GRIN2B: variants seen among roughly 807,000 people sequenced by gnomAD.
GRIN2B encodes glutamate ionotropic receptor NMDA type subunit 2B.
GRIN2B carries 5 observed loss-of-function variants against 114.5 expected under a neutral mutation model. That is an observed-to-expected ratio of 0.04 (90% CI 0.02 to 0.09). The LOEUF is 0.09. GRIN2B is among the 10% of genes least tolerant of loss of function. GRIN2B has a pLI of 1.00. For synonymous variants in GRIN2B, 787 were observed against 745.1 expected (o/e 1.06, Z -0.92); for missense variants, 1,108 against 1,943.5 (o/e 0.57, Z 8.08).
At position 13,562,920 on chromosome 12, in the gene GRIN2B, C is replaced by A. The variant is rs754377600; in HGVS notation, c.4318G>T (p.Ala1440Ser). 4.3e-6 allele frequency: 7 copies of A among 1,614,128 alleles called. No homozygotes were observed. The East Asian group carries it at 1.6e-4, about 36-fold the overall frequency. The change falls in exon 14 of 14, where the codon GCC becomes TCC. Residue 1440 changes from alanine (A) to serine (S), a missense_variant. Ala to Ser is a moderately conservative substitution (Grantham distance 99, BLOSUM62 1). Transcript: ENST00000609686. Reference sequence around the variant, plus strand: ...ATACAGATGTCCTTCTGGAAACGGGCTGGCACGGCCCCATGAAGGGCCGAG... The same window carrying A: ...ATACAGATGTCCTTCTGGAAACGGGATGGCACGGCCCCATGAAGGGCCGAG... ...VVSALHGAVP[A>S]RFQKDICIGN...
In GRIN2B at chr12:13,562,045, A is replaced by G. The variant is rs1010056222; in HGVS notation, c.*738T>C. ...CACATGGGTGCAAGTGTGCATGAAC[A>G]CACATGCACGCACAATCCACCTGCT... On this transcript the variant is annotated 3_prime_UTR_variant, in exon 14 of 14. Coordinates refer to ENST00000609686, the MANE Select transcript of GRIN2B (RefSeq NM_000834.5). 1 of 152,662 alleles carries G rather than the reference A, an allele frequency of 6.6e-6. No individual in the cohort carries two copies. Among genetic ancestry groups the G allele is most frequent in the African/African-American group, 2.4e-5 (1 of 41,466 alleles). The allele number at this position is 152,662 out of a possible 1,614,324, so 9.5% of individuals were successfully genotyped here.
At chr12:13,858,579 T>C (rs982433250) in intron 3 of GRIN2B, among the ~76,000 whole-genome samples, 1 of 152,194 alleles carries the variant, frequency 6.6e-6, no homozygotes, top group Non-Finnish European at 1.5e-5. Context: ...TGGCTGGCAA[T>C]ATTTAGTAAA....
At chr12:13,930,281 T>C (rs1867003353) in intron 2 of GRIN2B, among the ~76,000 whole-genome samples, 1 of 152,216 alleles carries the variant, frequency 6.6e-6, no homozygotes, top group African/African-American at 2.4e-5. Context: ...ATTATTAGAC[T>C]GGTGATTCAG....
chr12:13,595,735 T>C (rs566027624), intron 10 of GRIN2B, among the ~76,000 whole-genome samples: 1 of 152,266 alleles, frequency 6.6e-6, no homozygotes, highest in Non-Finnish European at 1.5e-5. Context: ...TGCATTGTTC[T>C]TCAGCACTTG....
intron 3 of GRIN2B, among the ~76,000 whole-genome samples, chr12:13,802,346 C>T (rs1864530810): frequency 6.6e-6 from 1 of 151,974 alleles, no homozygotes; most frequent in South Asian, 2.1e-4. Flanking sequence ...AGTGGATATT[C>T]TCATACACTA....
At chr12:13,909,814 G>A (rs992520710) in intron 2 of GRIN2B, among the ~76,000 whole-genome samples, 2 of 152,162 alleles carry the variant, frequency 1.3e-5, no homozygotes, top group African/African-American at 2.4e-5. Flanking sequence ...TGGCTGTCCC[G>A]ACTTATGCAA....
At chr12:13,602,011 A>T (rs1015584378) in intron 10 of GRIN2B, among the ~76,000 whole-genome samples, 1 of 152,134 alleles carries the variant, frequency 6.6e-6, no homozygotes, top group Non-Finnish European at 1.5e-5. Flanking sequence ...AGCCCCAGGG[A>T]TCTGTTCTGG....
chr12:13,726,540 A>G (rs1253755715), intron 4 of GRIN2B, among the ~76,000 whole-genome samples: 2 of 148,450 alleles, frequency 1.3e-5, no homozygotes, highest in Non-Finnish European at 3.0e-5. Context: ...GTCAAAAAAA[A>G]GAAAGAAATA....
chr12:13,834,543 A>C (rs868135916), intron 3 of GRIN2B, among the ~76,000 whole-genome samples: 3 of 152,112 alleles, frequency 2.0e-5, no homozygotes, highest in Admixed American at 6.6e-5. Flanking sequence ...CTGGGTTCCC[A>C]TCATGTCACT....
At chr12:13,794,973 C>A (rs142817568) in intron 3 of GRIN2B, among the ~76,000 whole-genome samples, 23 of 152,340 alleles carry the variant, frequency 1.5e-4, no homozygotes, top group African/African-American at 2.2e-4. Flanking sequence ...TGCCTAGAGC[C>A]AGCTCCTGGG....
chr12:13,815,485 G>T (rs931383071), intron 3 of GRIN2B, among the ~76,000 whole-genome samples: 3 of 152,166 alleles, frequency 2.0e-5, no homozygotes, highest in African/African-American at 7.2e-5. Context: ...AAATGATAAA[G>T]AGTGGGTTGT....
At chr12:13,976,608 A>G (rs898538048) in intron 2 of GRIN2B, among the ~76,000 whole-genome samples, 2 of 152,136 alleles carry the variant, frequency 1.3e-5, no homozygotes, top group Non-Finnish European at 2.9e-5. Context: ...TAGCTTCTAC[A>G]TGCTGATTTG....
At chr12:13,908,032 T>C (rs566037837) in intron 2 of GRIN2B, among the ~76,000 whole-genome samples, 1 of 152,232 alleles carries the variant, frequency 6.6e-6, no homozygotes, top group African/African-American at 2.4e-5. Context: ...CAGGGCAGAA[T>C]GGCATCCTCA....
chr12:13,597,528 A>G (rs1025575335), intron 10 of GRIN2B, among the ~76,000 whole-genome samples: 4 of 152,196 alleles, frequency 2.6e-5, no homozygotes, highest in Non-Finnish European at 5.9e-5. Context: ...TAGGGCACCA[A>G]TTCACCTCAG....
At chr12:13,765,319 T>C (rs921268645) in intron 3 of GRIN2B, among the ~76,000 whole-genome samples, 1 of 152,222 alleles carries the variant, frequency 6.6e-6, no homozygotes, top group Non-Finnish European at 1.5e-5. Context: ...GAAACTAGAT[T>C]ATTTTACAAG....
intron 2 of GRIN2B, among the ~76,000 whole-genome samples, chr12:13,938,432 T>A (rs976586824): frequency 6.6e-6 from 1 of 152,188 alleles, no homozygotes; most frequent in Non-Finnish European, 1.5e-5. Flanking sequence ...CATATGTTCA[T>A]AATAATATTT....
intron 4 of GRIN2B, among the ~76,000 whole-genome samples, chr12:13,709,618 G>A (rs1048389341): frequency 1.3e-5 from 2 of 152,046 alleles, no homozygotes; most frequent in Non-Finnish European, 2.9e-5. Context: ...AAGTATAGCT[G>A]AGCAGTACCT....
At chr12:13,843,707 G>A (rs528992560) in intron 3 of GRIN2B, among the ~76,000 whole-genome samples, 1 of 152,276 alleles carries the variant, frequency 6.6e-6, no homozygotes, top group South Asian at 2.1e-4. Context: ...TTTGAAAGAG[G>A]CATTTTTAAA....
At chr12:13,598,417 G>A (rs1306733405) in intron 10 of GRIN2B, among the ~76,000 whole-genome samples, 2 of 152,110 alleles carry the variant, frequency 1.3e-5, no homozygotes, top group Admixed American at 1.3e-4. Flanking sequence ...TCTGGCCATT[G>A]TGGGGAGTAT....
Sources: allele counts gnomAD v4.1 joint callset (sites outside exome capture counted in the v4.1 genomes callset), GRCh38; gene constraint gnomAD v4.1.1; transcripts MANE v1.5; gene names NCBI Gene and HGNC (gene_info 2026-07-23, HGNC 2026-07-21).